Variants in A4GNT observed in about 807,000 individuals in gnomAD.
A4GNT encodes the protein alpha-1,4-N-acetylglucosaminyltransferase.
In A4GNT, 6 loss-of-function variants were observed where a neutral mutation model predicts 8.3. That is an observed-to-expected ratio of 0.72 (90% CI 0.39 to 1.42). The LOEUF (loss-of-function observed/expected upper bound fraction) is 1.42, where lower values mean the gene tolerates loss of function less well. Among genes scored for constraint, A4GNT ranks in the 40% most tolerant of loss-of-function variants. The probability of loss-of-function intolerance (pLI) is 0.02; values close to 1 mark genes in which losing one functional copy is unlikely to be tolerated. For missense variants in A4GNT, 377 were observed against 417.0 expected (o/e 0.90, Z 0.84); for synonymous variants, 157 against 159.8 (o/e 0.98, Z 0.13).
At chr3:138,124,955 G>T in intron 2 of A4GNT, 77 bp from the exon 3 acceptor site, 1 of 1,528,350 alleles carries the variant, frequency 6.5e-7, no homozygotes. Context: ...GCCAGGCCCA[G>T]AGAGGCTGGG....
rs780846256 is a variant in A4GNT at position 138,124,283 on chromosome 3, A to G, written c.1004T>C (p.Leu335Pro). Residue 335 changes from leucine (L) to proline (P), a missense_variant, in exon 3 of 3, where the codon CTG becomes CCG. By Grantham distance (98) the Leu-to-Pro change is moderately conservative. Coordinates refer to ENST00000236709, the MANE Select transcript of A4GNT (RefSeq NM_016161.3). ...TTAGCTTTATTTGTTACCTGGACCC[A>G]GCTCCCCAGTCACTGACCCCTCTGG... ...KGPEGSVTGE[L>P]GPGNK 6.2e-7 allele frequency: 1 copy of G among 1,613,662 alleles called. No individual in the cohort carries two copies. Among genetic ancestry groups the G allele is most frequent in the Admixed American group, 1.7e-5 (1 of 59,970 alleles).
At chr3:138,127,174 A>C (rs2107885661) in intron 2 of A4GNT, among the ~76,000 whole-genome samples, 1 of 151,886 alleles carries the variant, frequency 6.6e-6, no homozygotes, top group African/African-American at 2.4e-5. Context: ...ATTGCCAAAA[A>C]CCTAATAATA....
intron 2 of A4GNT, among the ~76,000 whole-genome samples, chr3:138,125,666 G>A (rs942152388): frequency 1.3e-5 from 2 of 152,214 alleles, no homozygotes; most frequent in Non-Finnish European, 2.9e-5. Context: ...GAGAGTTCCA[G>A]GAGGAGGGAA....
Position 138,124,841 on chromosome 3 carries a change from C to G in A4GNT, c.446G>C (p.Ser149Thr), listed in dbSNP as rs780649272. The change falls in exon 3 of 3, where the codon AGC becomes ACC. Residue 149 changes from serine to threonine, a missense_variant. Coordinates refer to ENST00000236709, the MANE Select transcript of A4GNT (RefSeq NM_016161.3). ...GATGGCCAGGCGGGATGCATCCGAG[C>G]TGATGTGGAGCCAGTTTCTCTCTGC... The part of the protein sequence containing the change: ...ASAERNWLHI[S>T]SDASRLAIIW... 1 of 1,613,292 alleles carries G rather than the reference C, an allele frequency of 6.2e-7. No homozygotes were observed.
In A4GNT at chr3:138,130,839, A is replaced by G; in HGVS notation, c.408+10T>C. 1 of 1,611,986 alleles carries G rather than the reference A, an allele frequency of 6.2e-7. No homozygotes were observed. Among genetic ancestry groups the G allele is most frequent in the Non-Finnish European group, 8.5e-7 (1 of 1,178,938 alleles). On this transcript the variant is annotated intron_variant, in intron 2 of 2. Coordinates refer to ENST00000236709, the MANE Select transcript of A4GNT (RefSeq NM_016161.3). ...ATTCGTTGACATTTTAAGTTTCCCTAAACACTTACTTGATTGTACCATGAA... is the reference window on the plus strand; with the variant it reads ...ATTCGTTGACATTTTAAGTTTCCCTGAACACTTACTTGATTGTACCATGAA...
intron 2 of A4GNT, 45 bp from the exon 3 acceptor site, chr3:138,124,923 G>A (rs951142609): frequency 3.2e-6 from 5 of 1,582,418 alleles, no homozygotes; most frequent in Non-Finnish European, 4.3e-6. Context: ...CAGGGGAAGA[G>A]GGAGGGGCAT....
chr3:138,132,304 C>A lies in A4GNT; in HGVS notation c.-119G>T, dbSNP rs1239214731. ...GGTCTATCTTTCAAATTACATATAA[C>A]CCTTTTAGAAAATACAAAACAGTGA... On this transcript the variant is annotated 5_prime_UTR_variant, in exon 1 of 3. Transcript: ENST00000236709. The A allele has an allele frequency of 3.9e-5, 6 of 152,186 alleles. No individual in the cohort carries two copies. Among genetic ancestry groups the A allele is most frequent in the African/African-American group, 4.8e-5 (2 of 41,448 alleles). 9.4% of individuals were successfully genotyped at this position (152,186 alleles called of 1,614,324 possible).
In A4GNT at chr3:138,124,473, A is replaced by G; in HGVS notation, c.814T>C (p.Tyr272His). The G allele has an allele frequency of 9.9e-6, 16 of 1,614,218 alleles. No homozygotes were observed. The highest frequency in any genetic ancestry group is 1.4e-5 in the Non-Finnish European group (16 of 1,180,044). Reference sequence around the variant, plus strand: ...CTTGGCTCTGTATCCCACACTTCATAGTAGCGCCTCCACTCTCGATAGGAG... The same window carrying G: ...CTTGGCTCTGTATCCCACACTTCATGGTAGCGCCTCCACTCTCGATAGGAG... ...PISYREWRRY[Y>H]EVWDTEPSFN... The change falls in exon 3 of 3, where the codon TAT (tyrosine) becomes CAT (histidine). Residue 272 changes from tyrosine to histidine, a missense_variant. Physicochemically the swap from Tyr to His is moderately conservative, Grantham distance 83. Coordinates refer to ENST00000236709, the MANE Select transcript of A4GNT (RefSeq NM_016161.3).
intron 2 of A4GNT, among the ~76,000 whole-genome samples, chr3:138,127,333 T>C (rs1489771761): frequency 6.6e-6 from 1 of 151,896 alleles, no homozygotes; most frequent in Non-Finnish European, 1.5e-5. Context: ...CCCAGCACTT[T>C]GGGAGACCGA....
Position 138,124,627 on chromosome 3 carries a change from C to G in A4GNT, c.660G>C (p.Trp220Cys), listed in dbSNP as rs2042734050. ...NFVEHYNSAI[W>C]GNQGPELMTR... The stretch of plus-strand genomic sequence containing the variant: ...TCATCAACTCAGGGCCTTGGTTGCC[C>G]CAAATGGCTGAATTATAGTGTTCAA... Residue 220 changes from tryptophan to cysteine, a missense_variant, in exon 3 of 3, where the codon TGG becomes TGC. By Grantham distance (215) the Trp-to-Cys change is radical. Transcript: ENST00000236709. The G allele has an allele frequency of 1.2e-6, 2 of 1,614,160 alleles. No homozygotes were observed. Among genetic ancestry groups the G allele is most frequent in the Non-Finnish European group, 1.7e-6 (2 of 1,180,032 alleles).
chr3:138,128,314 A>C (rs946095746), intron 2 of A4GNT, among the ~76,000 whole-genome samples: 13 of 152,256 alleles, frequency 8.5e-5, no homozygotes, highest in African/African-American at 3.1e-4. Context: ...TAAAGAAAAG[A>C]GGTTTGATTG....
intron 2 of A4GNT, among the ~76,000 whole-genome samples, chr3:138,128,152 G>C (rs1280758419): frequency 6.6e-6 from 1 of 152,192 alleles, no homozygotes; most frequent in Non-Finnish European, 1.5e-5. Context: ...ATCCTCATGT[G>C]TGTGATTCAT....
At chr3:138,125,665 A>G (rs1250209893) in intron 2 of A4GNT, among the ~76,000 whole-genome samples, 1 of 152,224 alleles carries the variant, frequency 6.6e-6, no homozygotes, top group Non-Finnish European at 1.5e-5. Flanking sequence ...AGAGAGTTCC[A>G]GGAGGAGGGA....
At chr3:138,128,174 G>T (rs965508172) in intron 2 of A4GNT, among the ~76,000 whole-genome samples, 2 of 152,176 alleles carry the variant, frequency 1.3e-5, no homozygotes, top group Admixed American at 1.3e-4. Context: ...TGTAAGAAAA[G>T]GATGTGGTAT....
chr3:138,124,448 C>T lies in A4GNT; in HGVS notation c.839G>A (p.Ser280Asn), dbSNP rs767113376. Residue 280 changes from serine (S) to asparagine (N), a missense_variant, in exon 3 of 3, where the codon AGC becomes AAC. Ser to Asn is a conservative substitution (Grantham distance 46). Coordinates refer to ENST00000236709, the MANE Select transcript of A4GNT (RefSeq NM_016161.3). The stretch of plus-strand genomic sequence containing the variant: ...ATGCAGGGCATAAGAGACATTGAAG[C>T]TTGGCTCTGTATCCCACACTTCATA... ...RYYEVWDTEP[S>N]FNVSYALHLW... 5 of 1,614,106 alleles carry T rather than the reference C, an allele frequency of 3.1e-6. No homozygotes were observed. The African/African-American group carries it at 6.7e-5, about 22-fold the overall frequency.
At chr3:138,127,756 G>A (rs140101714) in intron 2 of A4GNT, among the ~76,000 whole-genome samples, 163 of 152,270 alleles carry the variant, frequency 1.1e-3, no homozygotes, top group Admixed American at 2.4e-3. Context: ...TGGTCACAAG[G>A]AAGTGATGGC....
At chr3:138,125,028 C>G in intron 2 of A4GNT, 150 bp from the exon 3 acceptor site, 2 of 990,584 alleles carry the variant, frequency 2.0e-6, no homozygotes, top group Non-Finnish European at 2.9e-6. Flanking sequence ...TGCAAGTTTA[C>G]CAAACTTACC....
In A4GNT at chr3:138,131,040, A is replaced by G; in HGVS notation, c.217T>C (p.Ser73Pro). 2 of 1,613,994 alleles carry G rather than the reference A, an allele frequency of 1.2e-6. No individual in the cohort carries two copies. The highest frequency in any genetic ancestry group is 1.7e-6 in the Non-Finnish European group (2 of 1,179,988). The change falls in exon 2 of 3, where the codon TCT becomes CCT. Residue 73 changes from serine (S) to proline (P), a missense_variant. Ser to Pro is a moderately conservative substitution (Grantham distance 74). Transcript: ENST00000236709. ...CACTCAGGATAAATCTTGGCAGCAGACTCTACGGAACAGGAGACCAAATGG... is the reference window on the plus strand; with the variant it reads ...CACTCAGGATAAATCTTGGCAGCAGGCTCTACGGAACAGGAGACCAAATGG... ...PPHLVSCSVE[S>P]AAKIYPEWPV...
chr3:138,133,272 G>A (rs953205581), upstream of A4GNT, among the ~76,000 whole-genome samples: 2 of 152,206 alleles, frequency 1.3e-5, no homozygotes, highest in African/African-American at 4.8e-5. Context: ...GAAACAGCTT[G>A]TAGGTCTCCA....
Sources: allele counts gnomAD v4.1 joint callset (sites outside exome capture counted in the v4.1 genomes callset), GRCh38; gene constraint gnomAD v4.1.1; transcripts MANE v1.5; gene names NCBI Gene and HGNC (gene_info 2026-07-23, HGNC 2026-07-21).